The following SRPK2 variants were observed in gnomAD, a reference collection of about 807,000 sequenced individuals.
SRPK2 encodes SRSF protein kinase 2, also known as SFRS protein kinase 2.
SRPK2 carries 21 observed loss-of-function variants against 90.8 expected under a neutral mutation model. That is an observed-to-expected ratio of 0.23 (90% confidence interval 0.16 to 0.33). SRPK2 has a LOEUF of 0.33. Ranked by LOEUF, SRPK2 falls within the 10% of genes least tolerant of loss-of-function variation. SRPK2 has a pLI of 1.00. For synonymous variants in SRPK2, 288 were observed against 311.1 expected (o/e 0.93, Z 0.78); for missense variants, 620 against 869.0 (o/e 0.71, Z 3.60).
rs1057176521 is a variant in SRPK2, at chr7:105,294,933, G to A, written c.72-91148C>T. ...TTCTTTAAAAAATACAAAATAGGCC[G>A]GGAGTGGTGGCTCACACTTCTAATC... On this transcript the variant is annotated intron_variant, in intron 2 of 15. Coordinates refer to ENST00000393651, the MANE Select transcript of SRPK2 (RefSeq NM_182692.3). Among the ~76,000 whole-genome samples, 6 of 152,144 alleles carry A rather than the reference G, an allele frequency of 3.9e-5. No individual in the cohort carries two copies. The East Asian group carries it at 5.8e-4, about 15-fold the overall frequency.
chr7:105,168,745 A>ATGTGTGTGTGTGTGTGTGTG (rs58073613), intron 4 of SRPK2, among the ~76,000 whole-genome samples: 6,214 of 103,956 alleles, frequency 0.06, 531 homozygotes, highest in Non-Finnish European at 0.088. Flanking sequence ...CACGCACCAA[A>ATGTGTGTGTGTGTGTGTGTG]TGTGTGTGTG....
chr7:105,320,830 A>ACT (rs1323986573), intron 2 of SRPK2, among the ~76,000 whole-genome samples: 1 of 152,130 alleles, frequency 6.6e-6, no homozygotes, highest in African/African-American at 2.4e-5. Context: ...ATAATGGAAC[A>ACT]CTAGGCACAA....
chr7:105,142,939 T>G, intron 10 of SRPK2, 145 bp downstream of exon 10: 1 of 1,065,258 alleles, frequency 9.4e-7, no homozygotes, highest in Non-Finnish European at 1.3e-6. Flanking sequence ...CGAGGCTATT[T>G]CCCATATTTC....
chr7:105,263,599 T>C (rs1033481148), intron 2 of SRPK2, among the ~76,000 whole-genome samples: 1 of 152,064 alleles, frequency 6.6e-6, no homozygotes, highest in Admixed American at 6.5e-5. Flanking sequence ...ATGCAAAAAA[T>C]TGAATCTCAA....
rs1184981344 is a variant in SRPK2 at position 105,352,896 on chromosome 7, T to C, written c.71+35752A>G. On this transcript the variant is annotated intron_variant, in intron 2 of 15. Transcript: ENST00000393651. ...GCCTGGGTGACAGAGCGAGACTCTA[T>C]CTCAAAAGAAAAAAAAAAAAGCTCT... 2.0e-5 allele frequency among the ~76,000 whole-genome samples: 3 copies of C among 151,502 alleles called. 1 individual carries two copies. The highest frequency in any genetic ancestry group is 2.0e-4 in the Admixed American group (3 of 15,208).
chr7:105,242,575 A>C (rs936642791), intron 2 of SRPK2, among the ~76,000 whole-genome samples: 2 of 152,234 alleles, frequency 1.3e-5, no homozygotes, highest in African/African-American at 4.8e-5. Context: ...AAAACTCGAC[A>C]GTAAGTAAAG....
Position 105,261,856 on chromosome 7 carries a change from T to C in SRPK2, c.72-58071A>G, listed in dbSNP as rs1273623735. Among the ~76,000 whole-genome samples the C allele has an allele frequency of 2.0e-5, 3 of 152,160 alleles. No homozygotes were observed. The East Asian group carries it at 5.8e-4, about 29-fold the overall frequency. On this transcript the variant is annotated intron_variant, in intron 2 of 15. Transcript: ENST00000393651. ...ACAAATGCTACAAAGGAGAAGTACATGGTACTGTAATTTGATACAGGCAGA... is the reference window on the plus strand; with the variant it reads ...ACAAATGCTACAAAGGAGAAGTACACGGTACTGTAATTTGATACAGGCAGA...
chr7:105,374,155 C>G (rs6947957), intron 2 of SRPK2, among the ~76,000 whole-genome samples: 66,737 of 151,782 alleles, frequency 0.44, 16,887 homozygotes, highest in South Asian at 0.57. Flanking sequence ...TCAAACTCCT[C>G]ACCTCAAGTG....
chr7:105,217,381 A>G (rs1203913847), intron 2 of SRPK2, among the ~76,000 whole-genome samples: 1 of 152,254 alleles, frequency 6.6e-6, no homozygotes, highest in Non-Finnish European at 1.5e-5. Flanking sequence ...CAAAACATAC[A>G]GTGGTGCTGA....
chr7:105,205,529 A>T (rs1304096984), intron 2 of SRPK2, among the ~76,000 whole-genome samples: 2,292 of 55,324 alleles, frequency 0.041, 60 homozygotes, highest in African/African-American at 0.11. Context: ...ACACACACAC[A>T]CACACACACA....
chr7:105,363,121 G>A (rs1225801077), intron 2 of SRPK2, among the ~76,000 whole-genome samples: 1 of 152,012 alleles, frequency 6.6e-6, no homozygotes, highest in Non-Finnish European at 1.5e-5. Flanking sequence ...CACCAACATG[G>A]CACATGTATA....
intron 2 of SRPK2, among the ~76,000 whole-genome samples, chr7:105,240,335 T>C (rs1225024506): frequency 6.6e-6 from 1 of 152,230 alleles, no homozygotes; most frequent in African/African-American, 2.4e-5. Context: ...GGGTTAGGAA[T>C]TCAATATATG....
chr7:105,379,200 C>G (rs1820656298), intron 2 of SRPK2, among the ~76,000 whole-genome samples: 1 of 151,724 alleles, frequency 6.6e-6, no homozygotes. Flanking sequence ...ACTGTGGACT[C>G]TGCATCCATA....
In SRPK2 at chr7:105,249,942, T is replaced by C. The variant is rs140974270; in HGVS notation, c.72-46157A>G. Among the ~76,000 whole-genome samples, 344 of 152,340 alleles carry C rather than the reference T, an allele frequency of 2.3e-3. 1 individual carries two copies. Among genetic ancestry groups the C allele is most frequent in the African/African-American group, 8.0e-3 (331 of 41,584 alleles). Reference sequence around the variant, plus strand: ...CCTAGAATGAGGATGACATATGATATGTAAATATTTTTCTCATATGAGCTC... The same window carrying C: ...CCTAGAATGAGGATGACATATGATACGTAAATATTTTTCTCATATGAGCTC... On this transcript the variant is annotated intron_variant, in intron 2 of 15. Coordinates refer to ENST00000393651, the MANE Select transcript of SRPK2 (RefSeq NM_182692.3).
intron 2 of SRPK2, among the ~76,000 whole-genome samples, chr7:105,381,355 TC>T (rs780361594): frequency 6.6e-6 from 1 of 152,068 alleles, no homozygotes; most frequent in Non-Finnish European, 1.5e-5. Flanking sequence ...GGCAGGTAGA[TC>T]ATGACGTCAG....
intron 2 of SRPK2, among the ~76,000 whole-genome samples, chr7:105,349,998 A>G (rs1462847803): frequency 1.3e-5 from 2 of 150,736 alleles, no homozygotes; most frequent in African/African-American, 4.9e-5. Context: ...CAGCCTCCCA[A>G]AGTGCTGGGA....
chr7:105,345,112 G>T (rs551971390), intron 2 of SRPK2, among the ~76,000 whole-genome samples: 1 of 151,296 alleles, frequency 6.6e-6, no homozygotes, highest in Admixed American at 6.6e-5. Flanking sequence ...CTCCAGCCTA[G>T]GCAACAAGAG....
intron 2 of SRPK2, among the ~76,000 whole-genome samples, chr7:105,381,839 A>C (rs1318921990): frequency 1.3e-5 from 2 of 152,192 alleles, no homozygotes; most frequent in African/African-American, 4.8e-5. Flanking sequence ...AGGCTTACTG[A>C]ATAAGGATAT....
rs764194975 is a variant in SRPK2, at chr7:105,125,902, CAG to C, written c.1915+344_1915+345del. 10 of 1,161,748 alleles carry C rather than the reference CAG, an allele frequency of 8.6e-6. No homozygotes were observed. In the Admixed American group the frequency reaches 9.4e-5, roughly 11 times the overall value. 72.0% of individuals were successfully genotyped at this position (1,161,748 alleles called of 1,614,324 possible). A position where few individuals can be genotyped will look rare whatever the true frequency, so the allele number is the denominator to read the frequency against. ...GCATTGGGAAACATTGCCAGCAAAA[CAG>C]AAACACACGACAGTTTAATCAGTAC... On this transcript the variant is annotated intron_variant, in intron 15 of 15. Coordinates refer to ENST00000393651, the MANE Select transcript of SRPK2 (RefSeq NM_182692.3).
Sources: allele counts gnomAD v4.1 joint callset (sites outside exome capture counted in the v4.1 genomes callset), GRCh38; gene constraint gnomAD v4.1.1; transcripts MANE v1.5; gene names NCBI Gene and HGNC (gene_info 2026-07-23, HGNC 2026-07-21).